Variants in DCTN6 observed in about 807,000 individuals in gnomAD.
The protein encoded by DCTN6 is dynactin 6.
Under a neutral mutation model 25.8 loss-of-function variants are expected in DCTN6, and 15 were observed. The ratio of observed to expected loss-of-function variants is 0.58; its 90% CI spans 0.39 to 0.89. The LOEUF is 0.89. Ranked by LOEUF, DCTN6 falls within the 40% of genes least tolerant of loss-of-function variation. The probability of loss-of-function intolerance (pLI) is 0.00; values close to 1 mark genes in which losing one functional copy is unlikely to be tolerated. For synonymous variants in DCTN6, 64 were observed against 78.3 expected (o/e 0.82, Z 0.96); for missense variants, 198 against 237.6 (o/e 0.83, Z 1.09).
intron 1 of DCTN6, among the ~76,000 whole-genome samples, chr8:30,160,231 G>A (rs548046703): frequency 3.9e-5 from 6 of 152,260 alleles, no homozygotes; most frequent in African/African-American, 1.2e-4. Context: ...GGGACCAGGT[G>A]GAGATAATTG....
At chr8:30,159,485 A>C (rs1403838507) in intron 1 of DCTN6, among the ~76,000 whole-genome samples, 1 of 152,150 alleles carries the variant, frequency 6.6e-6, no homozygotes. Context: ...GAGACATGTT[A>C]ATGAAAGAAT....
chr8:30,157,602 AT>A (rs1159938203), intron 1 of DCTN6, among the ~76,000 whole-genome samples: 1 of 152,134 alleles, frequency 6.6e-6, no homozygotes, highest in Admixed American at 6.5e-5. Context: ...GAACTGTGAC[AT>A]TTTTTGCCAG....
chr8:30,157,457 G>C (rs1803541183), intron 1 of DCTN6, among the ~76,000 whole-genome samples: 1 of 152,190 alleles, frequency 6.6e-6, no homozygotes, highest in Non-Finnish European at 1.5e-5. Context: ...GGGTCGAATG[G>C]TAGTTCCGTT....
rs543567207 is a variant in DCTN6 at position 30,171,343 on chromosome 8, G to C, written c.89-3742G>C. Among the ~76,000 whole-genome samples, 117 of 152,080 alleles carry C rather than the reference G, an allele frequency of 7.7e-4. 3 individuals are homozygous for C. In the South Asian group the frequency reaches 0.024, roughly 31 times the overall value. On this transcript the variant is annotated intron_variant, in intron 2 of 6. Transcript: ENST00000221114. ...TTGTTCCCTGTAGCCTCGAACCCCT[G>C]GACTCAAGCAATCCTCCCACCTCAG...
At chr8:30,167,620 C>T (rs1386713353) in intron 2 of DCTN6, among the ~76,000 whole-genome samples, 1 of 152,088 alleles carries the variant, frequency 6.6e-6, no homozygotes, top group African/African-American at 2.4e-5. Context: ...TGCTCTTGGC[C>T]CTTCAGCTAG....
chr8:30,167,915 G>C (rs995896661), intron 2 of DCTN6, among the ~76,000 whole-genome samples: 1 of 152,144 alleles, frequency 6.6e-6, no homozygotes, highest in African/African-American at 2.4e-5. Flanking sequence ...TGGTCAGGCT[G>C]ATCTCAAACT....
At chr8:30,164,418 G>C (rs1209619206) in intron 2 of DCTN6, among the ~76,000 whole-genome samples, 3 of 152,184 alleles carry the variant, frequency 2.0e-5, no homozygotes, top group African/African-American at 7.2e-5. Flanking sequence ...GTATTTAAGA[G>C]AGATCTGTTG....
chr8:30,159,919 A>G (rs1803576448), intron 1 of DCTN6, among the ~76,000 whole-genome samples: 1 of 151,774 alleles, frequency 6.6e-6, no homozygotes, highest in African/African-American at 2.4e-5. Flanking sequence ...AAGCCACCAT[A>G]CCCAGCTAAT....
rs1803753875 is a variant in DCTN6 at position 30,170,845 on chromosome 8, G to T, written c.89-4240G>T. Among the ~76,000 whole-genome samples, 4 of 152,036 alleles carry T rather than the reference G, an allele frequency of 2.6e-5. No individual in the cohort carries two copies. The South Asian group carries it at 8.3e-4, about 32-fold the overall frequency. ...AGTAGAGATGGGGTTTCGCCATGTT[G>T]CCCGGTCTCGAACTCCTGTGCTCAA... On this transcript the variant is annotated intron_variant, in intron 2 of 6. Coordinates refer to ENST00000221114, the MANE Select transcript of DCTN6 (RefSeq NM_006571.4).
At position 30,162,159 on chromosome 8, in the gene DCTN6, G is replaced by A. The variant is rs992003841; in HGVS notation, c.24-1952G>A. 3.3e-5 allele frequency among the ~76,000 whole-genome samples: 5 copies of A among 151,640 alleles called. No individual in the cohort carries two copies. The East Asian group carries it at 5.9e-4, about 18-fold the overall frequency. ...GGCTGGAGTGCAGTGGCGCTACCTC[G>A]GCTCACTGCAAGCTCCGCCTCCTGG... On this transcript the variant is annotated intron_variant, in intron 1 of 6. Coordinates refer to ENST00000221114, the MANE Select transcript of DCTN6 (RefSeq NM_006571.4).
chr8:30,159,888 A>G (rs749592610), intron 1 of DCTN6, among the ~76,000 whole-genome samples: 2 of 151,928 alleles, frequency 1.3e-5, no homozygotes, highest in African/African-American at 2.4e-5. Context: ...CAGCCCCCCA[A>G]GTAGCTGGGA....
intron 5 of DCTN6, 57 bp downstream of exon 5, chr8:30,179,512 G>A (rs117333940): frequency 5.4e-6 from 8 of 1,483,814 alleles, no homozygotes; most frequent in South Asian, 1.2e-5. Flanking sequence ...TCTTTGTGGT[G>A]TCCTGGGAAA....
At chr8:30,179,835 C>T (rs1208572833) in intron 5 of DCTN6, among the ~76,000 whole-genome samples, 1 of 152,062 alleles carries the variant, frequency 6.6e-6, no homozygotes, top group Non-Finnish European at 1.5e-5. Flanking sequence ...ATACTTTTCC[C>T]TAGCCAATCA....
At chr8:30,167,800 G>A (rs1464276085) in intron 2 of DCTN6, among the ~76,000 whole-genome samples, 2 of 152,070 alleles carry the variant, frequency 1.3e-5, no homozygotes, top group African/African-American at 4.8e-5. Flanking sequence ...CTGGGTTCAA[G>A]CGATTCTTGT....
intron 2 of DCTN6, among the ~76,000 whole-genome samples, chr8:30,169,930 T>C (rs1003628032): frequency 6.6e-6 from 1 of 152,208 alleles, no homozygotes; most frequent in African/African-American, 2.4e-5. Flanking sequence ...CCTAGCACTT[T>C]GGGAGGCCGA....
chr8:30,164,146 A>G lies in DCTN6; in HGVS notation c.59A>G (p.Glu20Gly). 2 of 1,613,888 alleles carry G rather than the reference A, an allele frequency of 1.2e-6. No homozygotes were observed. Among genetic ancestry groups the G allele is most frequent in the Non-Finnish European group, 1.7e-6 (2 of 1,179,744 alleles). The change falls in exon 2 of 7, where the codon GAA (glutamate) becomes GGA (glycine). Residue 20 changes from glutamate (E) to glycine (G), a missense_variant. Physicochemically the swap from Glu to Gly is moderately conservative, Grantham distance 98. Coordinates refer to ENST00000221114, the MANE Select transcript of DCTN6 (RefSeq NM_006571.4). ...KIAPGAVVCVESEIRGDVTIG... is the reference protein window; with the variant it reads ...KIAPGAVVCVGSEIRGDVTIG... ...GCTCCTGGAGCAGTTGTATGTGTAGAAAGTGAAATCAGAGGAGATGTAACT... is the reference window on the plus strand; with the variant it reads ...GCTCCTGGAGCAGTTGTATGTGTAGGAAGTGAAATCAGAGGAGATGTAACT...
chr8:30,170,463 T>C (rs2117587168), intron 2 of DCTN6, among the ~76,000 whole-genome samples: 1 of 152,268 alleles, frequency 6.6e-6, no homozygotes, highest in Non-Finnish European at 1.5e-5. Flanking sequence ...CGGTGCTTTC[T>C]CTCCCTCTCT....
rs896346429 is a variant in DCTN6, at chr8:30,162,302, G to C, written c.24-1809G>C. Among the ~76,000 whole-genome samples the C allele has an allele frequency of 2.0e-5, 3 of 151,402 alleles. No homozygotes were observed. In the South Asian group the frequency reaches 6.3e-4, roughly 32 times the overall value. ...GGGTTTTGCCATGTTGGCCAGGCTG[G>C]TTGGTCTCAAACTCCTGACCTCAAG... On this transcript the variant is annotated intron_variant, in intron 1 of 6. Transcript: ENST00000221114.
At chr8:30,164,573 T>C (rs1172003172) in intron 2 of DCTN6, among the ~76,000 whole-genome samples, 2 of 152,222 alleles carry the variant, frequency 1.3e-5, no homozygotes, top group Non-Finnish European at 2.9e-5. Context: ...CTTGCTCCTT[T>C]CTTGCTGGGT....
Sources: gnomAD v4.1 joint callset for allele counts (sites outside exome capture counted in the v4.1 genomes callset) on GRCh38, gnomAD v4.1.1 for gene constraint, MANE v1.5 for transcripts, NCBI Gene and HGNC (gene_info 2026-07-23, HGNC 2026-07-21) for gene names.